The following LRP6 variants were observed in gnomAD, a reference collection of about 807,000 sequenced individuals.
The protein encoded by LRP6 is low-density lipoprotein receptor-related protein 6.
Under a neutral mutation model 184.1 loss-of-function variants are expected in LRP6, and 43 were observed. The observed-to-expected ratio is 0.23, with a 90% CI of 0.18 to 0.30. The LOEUF (loss-of-function observed/expected upper bound fraction) is 0.30, where lower values mean the gene tolerates loss of function less well. Among genes scored for constraint, LRP6 ranks in the 10% least tolerant of loss-of-function variants. The probability of loss-of-function intolerance (pLI) is 1.00; values close to 1 mark genes in which losing one functional copy is unlikely to be tolerated. For synonymous variants in LRP6, 719 were observed against 684.9 expected, an observed-to-expected ratio of 1.05 and a Z score of -0.78; for missense variants, 1,571 against 2,005.3, an observed-to-expected ratio of 0.78 and a Z score of 4.14.
At chr12:12,233,758 G>A (rs1864853649) in intron 2 of LRP6, among the ~76,000 whole-genome samples, 1 of 152,060 alleles carries the variant, frequency 6.6e-6, no homozygotes, top group Admixed American at 6.6e-5. Context: ...AAAGACAGTG[G>A]CATTATGATT....
At chr12:12,187,337 T>C (rs1415748944) in intron 3 of LRP6, 7 of 557,994 alleles carry the variant, frequency 1.3e-5, no homozygotes, top group Non-Finnish European at 1.9e-5. Flanking sequence ...CATTTGGGAA[T>C]AGTCCCTAAC....
At chr12:12,125,147 G>A in intron 21 of LRP6, 149 bp downstream of exon 21, 1 of 769,982 alleles carries the variant, frequency 1.3e-6, no homozygotes, top group East Asian at 2.7e-5. Flanking sequence ...ATGGATGGTG[G>A]TGTGTGGTAA....
rs1198836589 is a variant in LRP6, at chr12:12,135,266, A to G, written c.3642T>C (p.Cys1214=). ...QHPCAQDNGG[C]SHICLVKGDG... Reference sequence around the variant, plus strand: ...CCCCCTTTACAAGACAAATATGTGAACAGCCACCATTATCCTGAGCACAAG... The same window carrying G: ...CCCCCTTTACAAGACAAATATGTGAGCAGCCACCATTATCCTGAGCACAAG... Residue 1214 remains cysteine (C), a synonymous_variant, in exon 17 of 23, where the codon TGT becomes TGC. Transcript: ENST00000261349. 4 of 1,613,644 alleles carry G rather than the reference A, an allele frequency of 2.5e-6. No individual in the cohort carries two copies. The African/African-American group carries it at 5.3e-5, about 22-fold the overall frequency.
At chr12:12,149,175 G>C in intron 13 of LRP6, 22 bp from the exon 14 acceptor site, 1 of 1,601,806 alleles carries the variant, frequency 6.2e-7, no homozygotes, top group South Asian at 1.1e-5. Flanking sequence ...AAGAAATACA[G>C]AGAAAATTAA....
At chr12:12,162,140 T>C (rs943819355) in intron 10 of LRP6, 53 bp downstream of exon 10, 17 of 1,350,232 alleles carry the variant, frequency 1.3e-5, no homozygotes, top group Non-Finnish European at 1.7e-5. Context: ...CTATGCCATG[T>C]TCCCCGAAAT....
In LRP6 at chr12:12,266,953, T is replaced by C; in HGVS notation, c.-218A>G. 3 of 558,616 alleles carry C rather than the reference T, an allele frequency of 5.4e-6. No individual in the cohort carries two copies. Among genetic ancestry groups the C allele is most frequent in the Non-Finnish European group, 9.4e-6 (3 of 320,070 alleles). The allele number at this position is 558,616 out of a possible 1,614,324, so 34.6% of individuals were successfully genotyped here. ...CCCGGGCTCGCGCGACGCCAGCGTC[T>C]GCTTCCATCCCGCCGCCTCCTCCCC... On this transcript the variant is annotated 5_prime_UTR_variant, in exon 1 of 23. Coordinates refer to ENST00000261349, the MANE Select transcript of LRP6 (RefSeq NM_002336.3).
At chr12:12,231,116 G>A (rs1342979513) in intron 2 of LRP6, among the ~76,000 whole-genome samples, 1 of 136,314 alleles carries the variant, frequency 7.3e-6, no homozygotes, top group African/African-American at 2.6e-5. Flanking sequence ...GGGTGGCGGA[G>A]GTTGCAGCAA....
At chr12:12,184,157 A>G in intron 4 of LRP6, 46 bp from the exon 5 acceptor site, 1 of 1,561,054 alleles carries the variant, frequency 6.4e-7, no homozygotes, top group Non-Finnish European at 8.8e-7. Context: ...ATTACTAAGT[A>G]CACAAAGGTT....
chr12:12,185,581 G>A (rs1863448569), intron 4 of LRP6, among the ~76,000 whole-genome samples: 1 of 152,134 alleles, frequency 6.6e-6, no homozygotes. Flanking sequence ...TTACACAAAA[G>A]TGCCAAACCC....
chr12:12,121,946 C>A (rs1318664727), intron 22 of LRP6, among the ~76,000 whole-genome samples: 1 of 152,130 alleles, frequency 6.6e-6, no homozygotes, highest in African/African-American at 2.4e-5. Context: ...GGTAGACAGC[C>A]TCAGGGGCAT....
intron 1 of LRP6, chr12:12,249,174 T>C (rs12427198): frequency 0.098 from 71,394 of 726,086 alleles, 4,642 homozygotes; most frequent in African/African-American, 0.25. Flanking sequence ...TTATGAAAAC[T>C]GAATATACAG....
At chr12:12,225,284 CA>C (rs1864591189) in intron 2 of LRP6, among the ~76,000 whole-genome samples, 1 of 152,052 alleles carries the variant, frequency 6.6e-6, no homozygotes, top group Non-Finnish European at 1.5e-5. Flanking sequence ...AAAAGCTAAA[CA>C]ACAACAACAA....
rs533856830 is a variant in LRP6, at chr12:12,242,481, C to T, written c.449+1781G>A. 2.7e-4 allele frequency among the ~76,000 whole-genome samples: 41 copies of T among 152,278 alleles called. 1 individual carries two copies. The South Asian group carries it at 5.0e-3, about 18-fold the overall frequency. ...TCACCACGGTATTCTTCCCTAATGA[C>T]GACTACAAGCACCAAAATCCTATGT... On this transcript the variant is annotated intron_variant, in intron 2 of 22. Transcript: ENST00000261349.
intron 16 of LRP6, 72 bp downstream of exon 16, chr12:12,138,253 A>G: frequency 7.1e-7 from 1 of 1,401,008 alleles, no homozygotes; most frequent in Admixed American, 1.7e-5. Flanking sequence ...GAGTTTAAAA[A>G]TCCACAAAAG....
At chr12:12,174,274 G>A (rs1863117647) in intron 7 of LRP6, among the ~76,000 whole-genome samples, 1 of 152,040 alleles carries the variant, frequency 6.6e-6, no homozygotes, top group Admixed American at 6.5e-5. Context: ...ACCACGTTTG[G>A]CTAATTTTTG....
chr12:12,135,493 T>C (rs1476674574), intron 16 of LRP6, among the ~76,000 whole-genome samples, 193 bp from the exon 17 acceptor site: 1 of 149,910 alleles, frequency 6.7e-6, no homozygotes, highest in Non-Finnish European at 1.5e-5. Context: ...ATTATTATTA[T>C]TATTATTATT....
rs35705276 is a variant in LRP6, at chr12:12,131,097, ATTTTTTTTTTTTTT to A, written c.3971-218_3971-205del. ...AAAATCCAGCAGGAAATTTCCTAACATTTTTTTTTTTTTTTTTTTTTTTTTTTTGAGACGGAGTC... is the reference window on the plus strand; with the variant it reads ...AAAATCCAGCAGGAAATTTCCTAACATTTTTTTTTTTTTTGAGACGGAGTC... On this transcript the variant is annotated intron_variant, in intron 18 of 22. Transcript: ENST00000261349. Among the ~76,000 whole-genome samples, 218 of 78,204 alleles carry A rather than the reference ATTTTTTTTTTTTTT, an allele frequency of 2.8e-3. 1 individual carries two copies. Among genetic ancestry groups the A allele is most frequent in the African/African-American group, 8.5e-3 (213 of 25,112 alleles). The allele number at this position is 78,204 out of a possible 152,430, so 51.3% of individuals were successfully genotyped here.
rs1393376486 is a variant in LRP6, at chr12:12,179,894, A to T, written c.1461T>A (p.Thr487=). ...CTAAACCATTTGGCCAACCAAGAGA[A>T]GTGTTAACCAATACTACACGGTCAG... is the stretch of plus-strand genomic sequence containing the variant. ...DGSDRVVLVN[T]SLGWPNGLAL... is the part of the protein sequence containing the mutation. Residue 487 remains threonine, a synonymous_variant, in exon 7 of 23, where the codon ACT becomes ACA. Transcript: ENST00000261349. 1.2e-6 allele frequency: 2 copies of T among 1,613,878 alleles called. No homozygotes were observed. Among genetic ancestry groups the T allele is most frequent in the Non-Finnish European group, 1.7e-6 (2 of 1,179,896 alleles).
chr12:12,125,486 T>C, intron 20 of LRP6, 54 bp from the exon 21 acceptor site: 1 of 1,485,578 alleles, frequency 6.7e-7, no homozygotes, highest in Non-Finnish European at 9.3e-7. Flanking sequence ...TAAAAATGTA[T>C]CAAGCAATTT....
Sources: allele counts gnomAD v4.1 joint callset (sites outside exome capture counted in the v4.1 genomes callset), GRCh38; gene constraint gnomAD v4.1.1; transcripts MANE v1.5; gene names NCBI Gene and HGNC (gene_info 2026-07-23, HGNC 2026-07-21).